NCMAP: variants seen among roughly 807,000 people sequenced by gnomAD.
The protein encoded by NCMAP is non-compact myelin associated protein, also known as noncompact myelin-associated protein.
Under a neutral mutation model 7.8 loss-of-function variants are expected in NCMAP, and 8 were observed. The ratio of observed to expected loss-of-function variants is 1.02; its 90% CI spans 0.60 to 1.84. The LOEUF is 1.84. Among genes scored for constraint, NCMAP ranks in the 40% most tolerant of loss-of-function variants. The pLI, the probability that NCMAP is intolerant of heterozygous loss-of-function variation, is 0.00. For missense variants in NCMAP, 112 were observed against 131.4 expected (o/e 0.85, Z 0.72); for synonymous variants, 41 against 52.9 (o/e 0.78, Z 0.98).
intron 1 of NCMAP, among the ~76,000 whole-genome samples, chr1:24,594,915 G>C (rs751717796): frequency 3.3e-5 from 5 of 152,112 alleles, no homozygotes; most frequent in Non-Finnish European, 5.9e-5. Context: ...TTAAATCATA[G>C]TTAATTTTTC....
At chr1:24,601,417 C>T (rs1652483992) in intron 3 of NCMAP, among the ~76,000 whole-genome samples, 1 of 152,104 alleles carries the variant, frequency 6.6e-6, no homozygotes, top group Non-Finnish European at 1.5e-5. Flanking sequence ...CCTGACTCTG[C>T]TTTCTGGAGA....
At chr1:24,603,102 T>C (rs72886132) in intron 3 of NCMAP, among the ~76,000 whole-genome samples, 8,242 of 152,124 alleles carry the variant, frequency 0.054, 766 homozygotes, top group African/African-American at 0.19. Flanking sequence ...AGCTAACATA[T>C]ATTGATCTCA....
In NCMAP at chr1:24,575,975, C is replaced by A. The variant is rs116295714; in HGVS notation, c.-7-19449C>A. On this transcript the variant is annotated intron_variant, in intron 1 of 3. Transcript: ENST00000374392. ...CTAAGTCCTGGAGAGGAGAAGAAAG[C>A]GCCTTGCCCACAGTAACTTGGCTAG... Among the ~76,000 whole-genome samples the A allele has an allele frequency of 4.1e-3, 616 of 150,652 alleles. 2 individuals carry two copies. Among genetic ancestry groups the A allele is most frequent in the Middle Eastern group, 7.0e-3 (2 of 286 alleles).
intron 1 of NCMAP, among the ~76,000 whole-genome samples, chr1:24,587,592 C>A (rs1487476931): frequency 6.6e-6 from 1 of 152,158 alleles, no homozygotes; most frequent in Non-Finnish European, 1.5e-5. Context: ...TGGCTCACTG[C>A]AGCCTCTGCC....
Position 24,605,762 on chromosome 1 carries a change from C to T in NCMAP, c.*15C>T. 1 of 1,613,948 alleles carries T rather than the reference C, an allele frequency of 6.2e-7. No homozygotes were observed. Among genetic ancestry groups the T allele is most frequent in the Non-Finnish European group, 8.5e-7 (1 of 1,179,872 alleles). On this transcript the variant is annotated 3_prime_UTR_variant, in exon 4 of 4. Coordinates refer to ENST00000374392, the MANE Select transcript of NCMAP (RefSeq NM_001010980.5). ...AGACGCGATGACCTCTACCCTGGCG[C>T]TATCTCCACCACTGTCCAAAGAGCC...
At chr1:24,584,759 C>A (rs904360469) in intron 1 of NCMAP, among the ~76,000 whole-genome samples, 1 of 152,012 alleles carries the variant, frequency 6.6e-6, no homozygotes, top group Non-Finnish European at 1.5e-5. Context: ...CTCATTCTTT[C>A]GGTCTGAGTT....
chr1:24,580,493 C>T lies in NCMAP; in HGVS notation c.-7-14931C>T, dbSNP rs186113488. On this transcript the variant is annotated intron_variant, in intron 1 of 3. Transcript: ENST00000374392. The stretch of plus-strand genomic sequence containing the variant: ...GGGGGATGGAGTCTTGCTCTGTCAC[C>T]AAGCTGGAGTGCAGTGGTGCGATCT... Among the ~76,000 whole-genome samples the T allele has an allele frequency of 1.5e-4, 23 of 152,280 alleles. 1 individual carries two copies. The highest frequency in any genetic ancestry group is 1.2e-3 in the Admixed American group (18 of 15,294).
chr1:24,605,833 A>G lies in NCMAP; in HGVS notation c.*86A>G. On this transcript the variant is annotated 3_prime_UTR_variant, in exon 4 of 4. Coordinates refer to ENST00000374392, the MANE Select transcript of NCMAP (RefSeq NM_001010980.5). ...AGGCACACTCTCTGGCAGCTTCACA[A>G]TGAGCTTCTTCTGGTCAGGTCGACA... 2.0e-6 allele frequency: 3 copies of G among 1,501,848 alleles called. No homozygotes were observed. Among genetic ancestry groups the G allele is most frequent in the Non-Finnish European group, 2.7e-6 (3 of 1,093,454 alleles). 93.0% of individuals were successfully genotyped at this position (1,501,848 alleles called of 1,614,324 possible). A position where few individuals can be genotyped will look rare whatever the true frequency, so the allele number is the denominator to read the frequency against.
intron 3 of NCMAP, among the ~76,000 whole-genome samples, chr1:24,603,336 C>T (rs950610352): frequency 1.3e-5 from 2 of 149,588 alleles, no homozygotes; most frequent in African/African-American, 5.1e-5. Flanking sequence ...CCCACAATTA[C>T]ATGTAATAAT....
At chr1:24,565,247 G>A (rs1246478376) in intron 1 of NCMAP, among the ~76,000 whole-genome samples, 3 of 151,700 alleles carry the variant, frequency 2.0e-5, no homozygotes, top group Admixed American at 2.0e-4. Flanking sequence ...GGAAAGTGGA[G>A]GAATCTCAAG....
At chr1:24,567,336 CTAAGGTACCT>C (rs1651258281) in intron 1 of NCMAP, among the ~76,000 whole-genome samples, 1 of 152,168 alleles carries the variant, frequency 6.6e-6, no homozygotes, top group East Asian at 1.9e-4. Context: ...AGTGCTATAA[CTAAGGTACCT>C]ATGAGATGCT....
intron 1 of NCMAP, among the ~76,000 whole-genome samples, chr1:24,560,628 C>A (rs1049959176): frequency 1.3e-5 from 2 of 152,058 alleles, no homozygotes; most frequent in Admixed American, 6.5e-5. Context: ...CCTGTGGTCC[C>A]AGCTCCTCGG....
intron 1 of NCMAP, among the ~76,000 whole-genome samples, chr1:24,582,272 T>C (rs1290439876): frequency 6.6e-6 from 1 of 152,154 alleles, no homozygotes; most frequent in African/African-American, 2.4e-5. Context: ...GTGCACACCT[T>C]GGGATCAGAC....
rs2148929501 is a variant in NCMAP at position 24,576,689 on chromosome 1, C to T, written c.-7-18735C>T. Among the ~76,000 whole-genome samples, 1 of 152,256 alleles carries T rather than the reference C, an allele frequency of 6.6e-6. No homozygotes were observed. Among genetic ancestry groups the T allele is most frequent in the Admixed American group, 6.5e-5 (1 of 15,290 alleles). On this transcript the variant is annotated intron_variant, in intron 1 of 3. Coordinates refer to ENST00000374392, the MANE Select transcript of NCMAP (RefSeq NM_001010980.5). The surrounding 1 kb of genome is among the most constrained non-coding windows in gnomAD (Gnocchi z 4.0). ...CCCAGGTCACACAGAAAGTAAGTAA[C>T]AGGGGTGAGACTAGAACCCAGGATT...
chr1:24,576,983 A>AC lies in NCMAP; in HGVS notation c.-7-18441_-7-18440insC, dbSNP rs1557596393. 4.6e-5 allele frequency among the ~76,000 whole-genome samples: 7 copies of AC among 151,692 alleles called. No individual in the cohort carries two copies. Among genetic ancestry groups the AC allele is most frequent in the East Asian group, 1.9e-4 (1 of 5,144 alleles). On this transcript the variant is annotated intron_variant, in intron 1 of 3. Coordinates refer to ENST00000374392, the MANE Select transcript of NCMAP (RefSeq NM_001010980.5). This position sits in a 1 kb window ranked among gnomAD's most constrained non-coding sequence, Gnocchi z 4.0. ...TCTCTACTAAAAGCACACACACACA[A>AC]AAAAATTAGCTGGGCGTGGTGGTGC...
Position 24,595,447 on chromosome 1 carries a change from C to G in NCMAP, c.17C>G (p.Pro6Arg). The G allele has an allele frequency of 6.2e-6, 10 of 1,613,860 alleles. No homozygotes were observed. Among genetic ancestry groups the G allele is most frequent in the Non-Finnish European group, 8.5e-6 (10 of 1,179,746 alleles). Residue 6 changes from proline to arginine, a missense_variant, in exon 2 of 4, where the codon CCT becomes CGT. Pro to Arg is a moderately radical substitution (Grantham distance 103). Transcript: ENST00000374392. ...AGGATCGAGATGACCACAGCCACCC[C>G]TCTGGGGGATACCACCTTCTTCTCA... MTTAT[P>R]LGDTTFFSLN...
At chr1:24,568,241 C>T (rs1260869482) in intron 1 of NCMAP, among the ~76,000 whole-genome samples, 2 of 152,040 alleles carry the variant, frequency 1.3e-5, no homozygotes, top group African/African-American at 2.4e-5. Flanking sequence ...CCTGGAGGCC[C>T]GCACGGGGCA....
chr1:24,594,038 CCCA>C (rs199762056), intron 1 of NCMAP, among the ~76,000 whole-genome samples: 34,450 of 151,750 alleles, frequency 0.23, 4,887 homozygotes, highest in East Asian at 0.41. Context: ...ATTACAGGCA[CCCA>C]CCACCATGCC....
intron 3 of NCMAP, among the ~76,000 whole-genome samples, chr1:24,605,126 A>G (rs1652678347): frequency 7.3e-6 from 1 of 137,102 alleles, no homozygotes; most frequent in Admixed American, 6.8e-5. Flanking sequence ...AAAAAAAGAA[A>G]AAAAAAAAGA....
Sources: gnomAD v4.1 joint callset for allele counts (sites outside exome capture counted in the v4.1 genomes callset) on GRCh38, gnomAD v4.1.1 for gene constraint, Gnocchi (gnomAD v3.1) non-coding constraint, MANE v1.5 for transcripts, NCBI Gene and HGNC (gene_info 2026-07-23, HGNC 2026-07-21) for gene names.